Variants in CFAP20DC observed in about 807,000 individuals in gnomAD.
The protein encoded by CFAP20DC is protein CFAP20DC.
CFAP20DC carries 84 observed loss-of-function variants against 101.7 expected under a neutral mutation model. The ratio of observed to expected loss-of-function variants is 0.83; its 90% CI spans 0.69 to 0.99. The LOEUF (loss-of-function observed/expected upper bound fraction) is 0.99. Among genes scored for constraint, CFAP20DC ranks in the 50% least tolerant of loss-of-function variants. The pLI is 0.00. For synonymous variants in CFAP20DC, 359 were observed against 351.2 expected (o/e 1.02, Z -0.25); for missense variants, 1,007 against 970.3 (o/e 1.04, Z -0.50).
At chr3:58,960,999 T>C (rs2091086383) in intron 4 of CFAP20DC, among the ~76,000 whole-genome samples, 2 of 152,186 alleles carry the variant, frequency 1.3e-5, no homozygotes, top group East Asian at 1.9e-4. Flanking sequence ...ATTATGGTGA[T>C]TATGTGTTTC....
At chr3:58,806,287 T>C (rs2074047422) in intron 15 of CFAP20DC, 108 bp downstream of exon 15, 4 of 745,668 alleles carry the variant, frequency 5.4e-6, no homozygotes, top group South Asian at 4.8e-5. Context: ...AGAACATAAG[T>C]TTGGAAGCTA....
chr3:58,761,383 C>G (rs1236768706), intron 15 of CFAP20DC, among the ~76,000 whole-genome samples: 3 of 151,988 alleles, frequency 2.0e-5, no homozygotes, highest in African/African-American at 7.3e-5. Flanking sequence ...GTGGTGATAT[C>G]CCCTTTATCA....
intron 14 of CFAP20DC, among the ~76,000 whole-genome samples, chr3:58,831,424 T>C (rs376568465): frequency 2.0e-5 from 3 of 152,258 alleles, no homozygotes; most frequent in African/African-American, 7.2e-5. Context: ...ACAGTAAAAT[T>C]GTTCTTTTTG....
chr3:58,917,127 G>T (rs774801148), intron 5 of CFAP20DC, among the ~76,000 whole-genome samples: 3 of 152,226 alleles, frequency 2.0e-5, no homozygotes, highest in Non-Finnish European at 4.4e-5. Flanking sequence ...TTAGTATGTT[G>T]CTTGGATTAA....
chr3:58,928,045 T>C lies in CFAP20DC; in HGVS notation c.393+9603A>G, dbSNP rs143684284. Among the ~76,000 whole-genome samples, 317 of 152,332 alleles carry C rather than the reference T, an allele frequency of 2.1e-3. 1 individual carries two copies. Among genetic ancestry groups the C allele is most frequent in the African/African-American group, 7.2e-3 (301 of 41,568 alleles). ...TTAGAAAGCTTATATAATTTGACCATGATAAACTCATTTTTTTTCTCCCAT... is the reference window on the plus strand; with the variant it reads ...TTAGAAAGCTTATATAATTTGACCACGATAAACTCATTTTTTTTCTCCCAT... On this transcript the variant is annotated intron_variant, in intron 5 of 16. Coordinates refer to ENST00000482387, the MANE Select transcript of CFAP20DC (RefSeq NM_001394063.1).
intron 3 of CFAP20DC, among the ~76,000 whole-genome samples, chr3:59,044,987 G>GACACACACACAC (rs57196071): frequency 1.6e-4 from 23 of 139,932 alleles, no homozygotes; most frequent in African/African-American, 5.9e-4. Flanking sequence ...TCCTATTACA[G>GACACACACACAC]ACACACACAC....
chr3:58,769,829 T>G (rs1445413101), intron 15 of CFAP20DC, among the ~76,000 whole-genome samples: 1 of 152,176 alleles, frequency 6.6e-6, no homozygotes, highest in African/African-American at 2.4e-5. Flanking sequence ...AATCCAGGTT[T>G]ATATGGAGGT....
chr3:58,750,488 C>T lies in CFAP20DC; in HGVS notation c.2332+3281G>A, dbSNP rs566406384. 4.6e-5 allele frequency among the ~76,000 whole-genome samples: 7 copies of T among 152,238 alleles called. No homozygotes were observed. The South Asian group carries it at 1.5e-3, about 32-fold the overall frequency. Reference sequence around the variant, plus strand: ...GAACACAGGAAGATTAAATAAATAGCTATTATTATTTATATCCTAGAAGTC... The same window carrying T: ...GAACACAGGAAGATTAAATAAATAGTTATTATTATTTATATCCTAGAAGTC... On this transcript the variant is annotated intron_variant, in intron 16 of 16. Coordinates refer to ENST00000482387, the MANE Select transcript of CFAP20DC (RefSeq NM_001394063.1).
chr3:58,934,797 C>A (rs527520964), intron 5 of CFAP20DC, among the ~76,000 whole-genome samples: 1,571 of 152,264 alleles, frequency 0.01, 29 homozygotes, highest in African/African-American at 0.036. Flanking sequence ...CTATCTATGA[C>A]AAACCCACAG....
intron 13 of CFAP20DC, among the ~76,000 whole-genome samples, chr3:58,835,787 A>G (rs370324655): frequency 6.6e-6 from 1 of 152,208 alleles, no homozygotes; most frequent in Non-Finnish European, 1.5e-5. Context: ...CAGAAAGGCT[A>G]AATCATTTAT....
At chr3:58,806,493 C>A (rs2074068221) in intron 14 of CFAP20DC, 37 bp from the exon 15 acceptor site, 4 of 1,482,342 alleles carry the variant, frequency 2.7e-6, no homozygotes, top group Non-Finnish European at 3.8e-6. Flanking sequence ...GTTTAATCAG[C>A]ACAAAGCTGT....
At chr3:58,967,570 C>A (rs1315477872) in intron 4 of CFAP20DC, among the ~76,000 whole-genome samples, 3 of 152,112 alleles carry the variant, frequency 2.0e-5, no homozygotes, top group Admixed American at 6.6e-5. Flanking sequence ...AGTAAGAAGA[C>A]AACCCATAGA....
chr3:58,918,470 T>C (rs1313794323), intron 5 of CFAP20DC, among the ~76,000 whole-genome samples: 2 of 152,166 alleles, frequency 1.3e-5, no homozygotes, highest in African/African-American at 4.8e-5. Flanking sequence ...CTGTTCAACA[T>C]GCTAATGGTC....
At chr3:59,023,889 G>C (rs995540717) in intron 4 of CFAP20DC, among the ~76,000 whole-genome samples, 4 of 152,058 alleles carry the variant, frequency 2.6e-5, no homozygotes, top group Non-Finnish European at 4.4e-5. Flanking sequence ...TCAACCTTAT[G>C]AGGGAGCAAT....
At chr3:58,998,318 GTA>G in intron 4 of CFAP20DC, among the ~76,000 whole-genome samples, 1 of 152,288 alleles carries the variant, frequency 6.6e-6, no homozygotes, top group East Asian at 1.9e-4. Flanking sequence ...CTTGCAAACT[GTA>G]TATGACTGTG....
chr3:58,855,482 A>G (rs1357196830), intron 12 of CFAP20DC, among the ~76,000 whole-genome samples: 1 of 152,158 alleles, frequency 6.6e-6, no homozygotes, highest in Non-Finnish European at 1.5e-5. Flanking sequence ...CCATCCCATT[A>G]CTGGGTATAT....
At position 58,874,005 on chromosome 3, in the gene CFAP20DC, C is replaced by T. The variant is rs1054146108; in HGVS notation, c.716-3696G>A. ...TGAAGCAGAAGTCTGGATAGCTATT[C>T]TGGATGCCGTAAGGCAGATTCAGAC... On this transcript the variant is annotated intron_variant, in intron 7 of 16. Transcript: ENST00000482387. The surrounding 1 kb of genome is among the most constrained non-coding windows in gnomAD (Gnocchi z 5.1). 6.6e-6 allele frequency among the ~76,000 whole-genome samples: 1 copy of T among 152,226 alleles called. No individual in the cohort carries two copies. Among genetic ancestry groups the T allele is most frequent in the Non-Finnish European group, 1.5e-5 (1 of 68,044 alleles).
At chr3:58,757,047 C>CT (rs2069020675) in intron 15 of CFAP20DC, among the ~76,000 whole-genome samples, 1 of 151,964 alleles carries the variant, frequency 6.6e-6, no homozygotes, top group Non-Finnish European at 1.5e-5. Context: ...TTTTTGTATA[C>CT]TTAGAGGTAA....
chr3:58,761,056 AGT>A (rs2069532984), intron 15 of CFAP20DC, among the ~76,000 whole-genome samples: 1 of 152,174 alleles, frequency 6.6e-6, no homozygotes, highest in Non-Finnish European at 1.5e-5. Context: ...TCATAAAATG[AGT>A]TAGGGAGGAT....
Sources: allele counts gnomAD v4.1 joint callset (sites outside exome capture counted in the v4.1 genomes callset), GRCh38; gene constraint gnomAD v4.1.1; non-coding constraint Gnocchi (gnomAD v3.1); transcripts MANE v1.5; gene names NCBI Gene and HGNC (gene_info 2026-07-23, HGNC 2026-07-21).